PEMT: variants seen among roughly 807,000 people sequenced by gnomAD.
The protein encoded by PEMT is phosphatidylethanolamine N-methyltransferase, also known as phospholipid methyltransferase.
PEMT carries 23 observed loss-of-function variants against 27.4 expected under a neutral mutation model. That is an observed-to-expected ratio of 0.84 (90% CI 0.60 to 1.19). The LOEUF (loss-of-function observed/expected upper bound fraction) is 1.19, where lower values mean the gene tolerates loss of function less well. Among genes scored for constraint, PEMT ranks in the 50% most tolerant of loss-of-function variants. The pLI, the probability that PEMT is intolerant of heterozygous loss-of-function variation, is 0.00. For synonymous variants in PEMT, 137 were observed against 139.1 expected (o/e 0.98, Z 0.11); for missense variants, 307 against 310.1 (o/e 0.99, Z 0.07).
intron 1 of PEMT, among the ~76,000 whole-genome samples, chr17:17,578,092 A>G (rs1256445405): frequency 6.6e-6 from 1 of 152,064 alleles, no homozygotes; most frequent in Non-Finnish European, 1.5e-5. Context: ...TGAGTAGAAG[A>G]GCAGGCTGCA....
Position 17,582,329 on chromosome 17 carries a change from G to A in PEMT, c.97-5302C>T, listed in dbSNP as rs1912020991. ...GAGTCCCACAGGTCACCGACGAATA[G>A]CCTCAGCTGTTAACACCCCAAAGCA... is the stretch of plus-strand genomic sequence containing the variant. On this transcript the variant is annotated intron_variant, in intron 1 of 6. Coordinates refer to ENST00000255389, the MANE Select transcript of PEMT (RefSeq NM_148172.3). This position sits in a 1 kb window ranked among gnomAD's most constrained non-coding sequence, Gnocchi z 4.9. 1 of 985,388 alleles carries A rather than the reference G, an allele frequency of 1.0e-6. No individual in the cohort carries two copies. The highest frequency in any genetic ancestry group is 1.7e-5 in the African/African-American group (1 of 57,246). 61.0% of individuals were successfully genotyped at this position (985,388 alleles called of 1,614,324 possible).
chr17:17,586,284 GAA>G (rs1255589153), intron 1 of PEMT, among the ~76,000 whole-genome samples: 1 of 72,728 alleles, frequency 1.4e-5, no homozygotes, highest in African/African-American at 6.3e-5. Flanking sequence ...AAGAAAGAAA[GAA>G]AGAAAAAAAA....
At chr17:17,534,625 C>T (rs1466454700) in intron 2 of PEMT, among the ~76,000 whole-genome samples, 1 of 152,150 alleles carries the variant, frequency 6.6e-6, no homozygotes, top group Non-Finnish European at 1.5e-5. Context: ...TTGCTTGAAC[C>T]CAGGAGTTTG....
chr17:17,524,601 A>T (rs1597888039), intron 2 of PEMT, among the ~76,000 whole-genome samples: 1 of 27,516 alleles, frequency 3.6e-5, no homozygotes. Flanking sequence ...CTGTCTCTCC[A>T]AAAAAAAAAA....
intron 2 of PEMT, among the ~76,000 whole-genome samples, chr17:17,563,458 A>C (rs1048705194): frequency 6.6e-6 from 1 of 152,166 alleles, no homozygotes; most frequent in African/African-American, 2.4e-5. Flanking sequence ...CGAAGGGGGA[A>C]GCCCCAGGAT....
chr17:17,541,701 G>A (rs1908896211), intron 2 of PEMT, among the ~76,000 whole-genome samples: 1 of 152,254 alleles, frequency 6.6e-6, no homozygotes, highest in Non-Finnish European at 1.5e-5. Context: ...AGGATTCTGA[G>A]CTTCAGAGAT....
chr17:17,534,765 G>T (rs866540836), intron 2 of PEMT, among the ~76,000 whole-genome samples: 12 of 152,282 alleles, frequency 7.9e-5, no homozygotes, highest in South Asian at 2.1e-4. Flanking sequence ...GAGCCCAGGA[G>T]TTCAATGCTG....
At chr17:17,522,244 G>A in intron 3 of PEMT, 36 bp downstream of exon 3, 1 of 1,483,390 alleles carries the variant, frequency 6.7e-7, no homozygotes, top group Non-Finnish European at 9.4e-7. Context: ...CGCTAGCCCA[G>A]GGGTTGTGGC....
rs998568733 is a variant in PEMT, at chr17:17,523,501, G to A, written c.205-1106C>T. 2.0e-5 allele frequency among the ~76,000 whole-genome samples: 3 copies of A among 152,124 alleles called. No homozygotes were observed. Among genetic ancestry groups the A allele is most frequent in the East Asian group, 3.8e-4 (2 of 5,202 alleles). On this transcript the variant is annotated intron_variant, in intron 2 of 6. Coordinates refer to ENST00000255389, the MANE Select transcript of PEMT (RefSeq NM_148172.3). This position sits in a 1 kb window ranked among gnomAD's most constrained non-coding sequence, Gnocchi z 4.8. ...GGCAGGCTAGGGGGCAGCAGATGGCGGGGGGCAGGGTATGCCAAAGTTTAC... is the reference window on the plus strand; with the variant it reads ...GGCAGGCTAGGGGGCAGCAGATGGCAGGGGGCAGGGTATGCCAAAGTTTAC...
At chr17:17,529,782 G>A (rs1180498557) in intron 2 of PEMT, among the ~76,000 whole-genome samples, 1 of 152,204 alleles carries the variant, frequency 6.6e-6, no homozygotes, top group Non-Finnish European at 1.5e-5. Flanking sequence ...AGGAACATGG[G>A]CTCTGAGTTC....
At chr17:17,591,401 A>G (rs938259816) in intron 1 of PEMT, 130 bp downstream of exon 1, 39 of 515,258 alleles carry the variant, frequency 7.6e-5, no homozygotes, top group Non-Finnish European at 1.2e-4. Context: ...CACCCCCGCC[A>G]CGCCACGCCC....
intron 2 of PEMT, among the ~76,000 whole-genome samples, chr17:17,536,053 C>T (rs1908446459): frequency 6.6e-6 from 1 of 152,210 alleles, no homozygotes; most frequent in Non-Finnish European, 1.5e-5. Flanking sequence ...ATCTCCTTAA[C>T]TGTGGCATGC....
intron 2 of PEMT, among the ~76,000 whole-genome samples, chr17:17,539,548 T>C (rs1908733957): frequency 6.6e-6 from 1 of 152,202 alleles, no homozygotes; most frequent in Non-Finnish European, 1.5e-5. Flanking sequence ...TACGCAGGAT[T>C]CTTTGGTGTG....
At chr17:17,563,988 A>G (rs1442029752) in intron 2 of PEMT, among the ~76,000 whole-genome samples, 1 of 152,084 alleles carries the variant, frequency 6.6e-6, no homozygotes, top group Non-Finnish European at 1.5e-5. Context: ...AATTCTCTAG[A>G]GCCCCTGCCC....
At chr17:17,577,149 G>A (rs1459824239) in intron 1 of PEMT, 122 bp from the exon 2 acceptor site, 2 of 722,864 alleles carry the variant, frequency 2.8e-6, no homozygotes, top group Non-Finnish European at 4.8e-6. Context: ...TCCAAGTCCG[G>A]CAAAGGTTAC....
chr17:17,514,395 C>T (rs570907063), intron 3 of PEMT, among the ~76,000 whole-genome samples: 8 of 152,350 alleles, frequency 5.3e-5, no homozygotes, highest in Admixed American at 3.9e-4. Context: ...AAGCAGTAGC[C>T]GCTCCTTCCT....
intron 2 of PEMT, among the ~76,000 whole-genome samples, chr17:17,553,353 T>C (rs930891609): frequency 3.9e-5 from 6 of 152,172 alleles, no homozygotes; most frequent in Non-Finnish European, 7.4e-5. Flanking sequence ...CCTGCACACT[T>C]CGGACTTTCC....
Position 17,564,194 on chromosome 17 carries a change from C to T in PEMT, c.204+12726G>A, listed in dbSNP as rs181605759. The stretch of plus-strand genomic sequence containing the variant: ...ACACCAGGTCCTTGGGCCGTGGTGG[C>T]GGCACTGGTCCCACAGTTGCTTCCC... On this transcript the variant is annotated intron_variant, in intron 2 of 6. Transcript: ENST00000255389. 2.4e-4 allele frequency among the ~76,000 whole-genome samples: 37 copies of T among 152,162 alleles called. 1 individual carries two copies. The highest frequency in any genetic ancestry group is 1.3e-3 in the Admixed American group (20 of 15,276).
intron 4 of PEMT, among the ~76,000 whole-genome samples, chr17:17,510,650 A>G (rs1041834350): frequency 7.9e-5 from 12 of 152,212 alleles, no homozygotes; most frequent in African/African-American, 2.7e-4. Flanking sequence ...CTTTGCCTAC[A>G]TACCGCGCTG....
Sources: allele counts gnomAD v4.1 joint callset (sites outside exome capture counted in the v4.1 genomes callset), GRCh38; gene constraint gnomAD v4.1.1; non-coding constraint Gnocchi (gnomAD v3.1); transcripts MANE v1.5; gene names NCBI Gene and HGNC (gene_info 2026-07-23, HGNC 2026-07-21).